CNTN3: variants seen among roughly 807,000 people sequenced by gnomAD.
CNTN3 encodes the protein contactin 3, also known as contactin-3.
CNTN3 carries 60 observed loss-of-function variants against 119.1 expected under a neutral mutation model. The ratio of observed to expected loss-of-function variants is 0.50; its 90% confidence interval spans 0.41 to 0.62. The LOEUF (loss-of-function observed/expected upper bound fraction) is 0.62. Ranked by LOEUF, CNTN3 falls within the 20% of genes least tolerant of loss-of-function variation. The pLI is 0.00. For synonymous variants in CNTN3, 450 were observed against 438.7 expected, an observed-to-expected ratio of 1.03 and a Z score of -0.32; for missense variants, 1,101 against 1,242.4, an observed-to-expected ratio of 0.89 and a Z score of 1.71.
chr3:74,300,468 T>C (rs910934430), intron 16 of CNTN3, among the ~76,000 whole-genome samples: 4 of 152,150 alleles, frequency 2.6e-5, no homozygotes, highest in Non-Finnish European at 4.4e-5. Context: ...AGAAGTCCCA[T>C]GAAGGTGGGT....
intron 2 of CNTN3, among the ~76,000 whole-genome samples, chr3:74,518,509 G>C (rs1703489306): frequency 6.6e-6 from 1 of 151,746 alleles, no homozygotes; most frequent in South Asian, 2.1e-4. Context: ...TTGAGTTTAT[G>C]GCAATTGCTT....
rs887566068 is a variant in CNTN3, at chr3:74,499,579, T to C, written c.182+80A>G. 13 of 1,401,422 alleles carry C rather than the reference T, an allele frequency of 9.3e-6. No individual in the cohort carries two copies. The East Asian group carries it at 1.9e-4, about 20-fold the overall frequency. 86.8% of individuals were successfully genotyped at this position (1,401,422 alleles called of 1,614,324 possible). On this transcript the variant is annotated intron_variant, in intron 3 of 22. Coordinates refer to ENST00000263665, the MANE Select transcript of CNTN3 (RefSeq NM_020872.3). ...TTTTCTTACTGATGGCATAAATATATTGAAGCAAAAAAAAATTCACAATCA... is the reference window on the plus strand; with the variant it reads ...TTTTCTTACTGATGGCATAAATATACTGAAGCAAAAAAAAATTCACAATCA...
intron 2 of CNTN3, among the ~76,000 whole-genome samples, chr3:74,503,391 C>T (rs763488874): frequency 1.6e-4 from 24 of 152,066 alleles, no homozygotes; most frequent in Non-Finnish European, 2.4e-4. Flanking sequence ...GAGCCTCTGA[C>T]GCCTCTTAAA....
rs562735219 is a variant in CNTN3 at position 74,400,679 on chromosome 3, A to G, written c.454+24166T>C. On this transcript the variant is annotated intron_variant, in intron 5 of 22. Coordinates refer to ENST00000263665, the MANE Select transcript of CNTN3 (RefSeq NM_020872.3). ...TTTTTTAAAAATTAGAGGGCTATTTATGGATTAATATTACCATATTTGCCA... is the reference window on the plus strand; with the variant it reads ...TTTTTTAAAAATTAGAGGGCTATTTGTGGATTAATATTACCATATTTGCCA... Among the ~76,000 whole-genome samples the G allele has an allele frequency of 3.4e-3, 517 of 152,296 alleles. 4 individuals carry two copies. Among genetic ancestry groups the G allele is most frequent in the Non-Finnish European group, 5.4e-3 (368 of 68,022 alleles).
At chr3:74,283,059 T>C (rs1003529385) in intron 20 of CNTN3, among the ~76,000 whole-genome samples, 1 of 152,164 alleles carries the variant, frequency 6.6e-6, no homozygotes, top group Non-Finnish European at 1.5e-5. Context: ...AGAGAAGCCA[T>C]GACCACCTGT....
chr3:74,575,225 G>A (rs1202375540), intron 1 of CNTN3, among the ~76,000 whole-genome samples: 1 of 151,862 alleles, frequency 6.6e-6, no homozygotes, highest in Non-Finnish European at 1.5e-5. Flanking sequence ...ACCCAGAAGT[G>A]TTTTCTATCT....
At chr3:74,391,865 T>C (rs1575681670) in intron 5 of CNTN3, among the ~76,000 whole-genome samples, 1 of 151,892 alleles carries the variant, frequency 6.6e-6, no homozygotes, top group Non-Finnish European at 1.5e-5. Flanking sequence ...ACCATGTTGG[T>C]CAGGCTGGTC....
At chr3:74,351,395 GACTA>G (rs1320973313) in intron 11 of CNTN3, among the ~76,000 whole-genome samples, 2 of 152,124 alleles carry the variant, frequency 1.3e-5, no homozygotes, top group Non-Finnish European at 2.9e-5. Context: ...CCACGAGGCT[GACTA>G]ACTCTGTTTA....
intron 1 of CNTN3, among the ~76,000 whole-genome samples, chr3:74,585,432 C>A (rs920719877): frequency 6.6e-6 from 1 of 152,096 alleles, no homozygotes; most frequent in Non-Finnish European, 1.5e-5. Context: ...ACAGAATTAA[C>A]CATTTATTGA....
intron 5 of CNTN3, among the ~76,000 whole-genome samples, chr3:74,416,857 G>T (rs1049936316): frequency 2.0e-5 from 3 of 151,964 alleles, no homozygotes; most frequent in African/African-American, 7.3e-5. Context: ...GCATGGTGGC[G>T]TGTGGCTATA....
chr3:74,324,793 G>T (rs1328672845), intron 13 of CNTN3, among the ~76,000 whole-genome samples: 1 of 149,436 alleles, frequency 6.7e-6, no homozygotes, highest in East Asian at 2.0e-4. Flanking sequence ...ACTCAAAAAT[G>T]AAAAAAAAAA....
At chr3:74,274,276 C>A (rs1351164386) in intron 20 of CNTN3, among the ~76,000 whole-genome samples, 1 of 152,028 alleles carries the variant, frequency 6.6e-6, no homozygotes, top group African/African-American at 2.4e-5. Context: ...CCCGGCCCAC[C>A]AACTGTTCCT....
intron 1 of CNTN3, among the ~76,000 whole-genome samples, chr3:74,560,153 C>T (rs112150125): frequency 0.017 from 2,595 of 152,198 alleles, 64 homozygotes; most frequent in African/African-American, 0.058. Context: ...GGCTAGATAC[C>T]ATCAAGCACA....
chr3:74,475,827 G>C (rs1702644080), intron 4 of CNTN3, among the ~76,000 whole-genome samples: 1 of 152,160 alleles, frequency 6.6e-6, no homozygotes, highest in African/African-American at 2.4e-5. Context: ...GTGCAGAGTG[G>C]TGAAACAGTG....
At chr3:74,496,448 T>C (rs1703064967) in intron 3 of CNTN3, among the ~76,000 whole-genome samples, 1 of 152,090 alleles carries the variant, frequency 6.6e-6, no homozygotes, top group African/African-American at 2.4e-5. Context: ...CAGTCATTAT[T>C]CAATATGTCT....
intron 13 of CNTN3, among the ~76,000 whole-genome samples, chr3:74,331,018 G>A (rs959057291): frequency 2.6e-5 from 4 of 152,076 alleles, no homozygotes; most frequent in Non-Finnish European, 4.4e-5. Flanking sequence ...GGTAAGCTAC[G>A]GTTAATTTAT....
chr3:74,443,278 G>C (rs951282144), intron 4 of CNTN3, among the ~76,000 whole-genome samples: 1 of 152,178 alleles, frequency 6.6e-6, no homozygotes, highest in Admixed American at 6.5e-5. Context: ...TCTTCCTTCT[G>C]GGCCCTTGGA....
chr3:74,492,938 T>TA (rs1639452878), intron 3 of CNTN3, among the ~76,000 whole-genome samples: 1 of 152,160 alleles, frequency 6.6e-6, no homozygotes, highest in Non-Finnish European at 1.5e-5. Context: ...TCATATTTTG[T>TA]ACATGACAGG....
chr3:74,299,036 G>A (rs773907635), intron 17 of CNTN3, among the ~76,000 whole-genome samples: 10 of 151,920 alleles, frequency 6.6e-5, no homozygotes, highest in Non-Finnish European at 1.2e-4. Flanking sequence ...GCAAAACTCC[G>A]TCTCTACTAA....
Sources: allele counts gnomAD v4.1 joint callset (sites outside exome capture counted in the v4.1 genomes callset), GRCh38; gene constraint gnomAD v4.1.1; transcripts MANE v1.5; gene names NCBI Gene and HGNC (gene_info 2026-07-23, HGNC 2026-07-21).